The following DTWD1 variants were observed in gnomAD, a reference collection of about 807,000 sequenced individuals.
DTWD1 encodes the protein tRNA-uridine aminocarboxypropyltransferase 1.
In DTWD1, 27 loss-of-function variants were observed where a neutral mutation model predicts 30.2. The observed-to-expected ratio is 0.90, with a 90% confidence interval of 0.66 to 1.23. The LOEUF (loss-of-function observed/expected upper bound fraction) is 1.23, where lower values mean the gene tolerates loss of function less well. Among genes scored for constraint, DTWD1 ranks in the 50% most tolerant of loss-of-function variants. The pLI is 0.00. For missense variants in DTWD1, 342 were observed against 348.8 expected (o/e 0.98, Z 0.15); for synonymous variants, 99 against 113.1 (o/e 0.88, Z 0.79).
At chr15:49,627,583 C>T (rs957606116) in intron 2 of DTWD1, among the ~76,000 whole-genome samples, 33 of 152,280 alleles carry the variant, frequency 2.2e-4, no homozygotes, top group African/African-American at 7.7e-4. Context: ...ATAGTATAGC[C>T]TACTATACAC....
intron 4 of DTWD1, 84 bp from the exon 5 acceptor site, chr15:49,643,244 CATT>C (rs1285916282): frequency 7.4e-6 from 10 of 1,343,632 alleles, no homozygotes; most frequent in Non-Finnish European, 9.7e-6. Flanking sequence ...TAAGAGAAAT[CATT>C]ATTATTGTAC....
In DTWD1 at chr15:49,634,678, A is replaced by C; in HGVS notation, c.551A>C (p.Gln184Pro). ...PSFKRKRTEEQEFCDLNDSKC... is the reference protein window; with the variant it reads ...PSFKRKRTEEPEFCDLNDSKC... ...TTTAAACGCAAAAGAACTGAAGAAC[A>C]AGAGTTCTGTGATTTGAATGACAGC... Residue 184 changes from glutamine to proline, a missense_variant, in exon 4 of 5, where the codon CAA becomes CCA. Physicochemically the swap from Gln to Pro is moderately conservative, Grantham distance 76. Transcript: ENST00000403028. 6.2e-7 allele frequency: 1 copy of C among 1,613,810 alleles called. No individual in the cohort carries two copies.
Position 49,634,776 on chromosome 15 carries a change from A to T in DTWD1, c.649A>T (p.Thr217Ser). The part of the protein sequence containing the change: ...STWNQTNKIF[T>S]DERLQGLLQV... Reference sequence around the variant, plus strand: ...CTGGAACCAAACAAACAAAATATTCACTGATGAGCGACTTCAAGGTAAAAA... The same window carrying T: ...CTGGAACCAAACAAACAAAATATTCTCTGATGAGCGACTTCAAGGTAAAAA... Residue 217 changes from threonine to serine, a missense_variant, in exon 4 of 5, where the codon ACT (threonine) becomes TCT (serine). Transcript: ENST00000403028. 2.5e-6 allele frequency: 4 copies of T among 1,573,132 alleles called. No homozygotes were observed. The highest frequency in any genetic ancestry group is 3.4e-6 in the Non-Finnish European group (4 of 1,163,214).
At position 49,653,254 on chromosome 15, in the gene DTWD1, G is replaced by C. The variant is rs1598679933; in HGVS notation, c.*9676G>C. On this transcript the variant is annotated 3_prime_UTR_variant, in exon 5 of 5. Transcript: ENST00000403028. ...GCATGAGTCCTTAAAAGTGGAAGAC[G>C]GATACATGAGAGGATGTCAGAATGA... 1 of 152,012 alleles carries C rather than the reference G, an allele frequency of 6.6e-6. No homozygotes were observed. Among genetic ancestry groups the C allele is most frequent in the East Asian group, 1.9e-4 (1 of 5,170 alleles). The allele number at this position is 152,012 out of a possible 1,614,324, so 9.4% of individuals were successfully genotyped here. A position where few individuals can be genotyped will look rare whatever the true frequency, so the allele number is the denominator to read the frequency against.
chr15:49,643,740 A>G lies in DTWD1; in HGVS notation c.*162A>G. On this transcript the variant is annotated 3_prime_UTR_variant, in exon 5 of 5. Transcript: ENST00000403028. Reference sequence around the variant, plus strand: ...CTTCATATTTCTTGAAGGAAATTGTATCTGGGGGAATTTTTCAGAGATACT... The same window carrying G: ...CTTCATATTTCTTGAAGGAAATTGTGTCTGGGGGAATTTTTCAGAGATACT... The G allele has an allele frequency of 2.7e-6, 2 of 732,654 alleles. No homozygotes were observed. Among genetic ancestry groups the G allele is most frequent in the Admixed American group, 3.9e-5 (1 of 25,622 alleles). The allele number at this position is 732,654 out of a possible 1,614,324, so 45.4% of individuals were successfully genotyped here. A position where few individuals can be genotyped will look rare whatever the true frequency, so the allele number is the denominator to read the frequency against.
In DTWD1 at chr15:49,647,788, C is replaced by G. The variant is rs534139728; in HGVS notation, c.*4210C>G. ...AGAAAATCCAAAGGAAATAGACAAA[C>G]GGAGAATAATGGCAACAAAAAAAAA... On this transcript the variant is annotated 3_prime_UTR_variant, in exon 5 of 5. Coordinates refer to ENST00000403028, the MANE Select transcript of DTWD1 (RefSeq NM_001144955.2). The G allele has an allele frequency of 6.6e-6, 1 of 150,516 alleles. No homozygotes were observed. Among genetic ancestry groups the G allele is most frequent in the South Asian group, 2.1e-4 (1 of 4,768 alleles). The allele number at this position is 150,516 out of a possible 1,614,324, so 9.3% of individuals were successfully genotyped here. A position where few individuals can be genotyped will look rare whatever the true frequency, so the allele number is the denominator to read the frequency against.
In DTWD1 at chr15:49,649,163, C is replaced by T. The variant is rs373284293; in HGVS notation, c.*5585C>T. ...AAGATTTCAAACAGAAGAAATAGGT[C>T]GTATATCGACCAATAATCAGGATAT... On this transcript the variant is annotated 3_prime_UTR_variant, in exon 5 of 5. Coordinates refer to ENST00000403028, the MANE Select transcript of DTWD1 (RefSeq NM_001144955.2). 7.2e-5 allele frequency: 11 copies of T among 152,076 alleles called. No homozygotes were observed. The highest frequency in any genetic ancestry group is 5.9e-4 in the Admixed American group (9 of 15,272). 9.4% of individuals were successfully genotyped at this position (152,076 alleles called of 1,614,324 possible).
chr15:49,637,532 A>G (rs2079017646), intron 4 of DTWD1, among the ~76,000 whole-genome samples: 1 of 152,232 alleles, frequency 6.6e-6, no homozygotes, highest in Non-Finnish European at 1.5e-5. Flanking sequence ...ATAGTTATGT[A>G]TCATGAGTTC....
Position 49,621,811 on chromosome 15 carries a change from T to A in DTWD1, c.-56+689T>A, listed in dbSNP as rs575704078. Among the ~76,000 whole-genome samples, 134 of 152,172 alleles carry A rather than the reference T, an allele frequency of 8.8e-4. 5 individuals are homozygous for A. In the South Asian group the frequency reaches 0.027, roughly 30 times the overall value. On this transcript the variant is annotated intron_variant, in intron 1 of 4. Transcript: ENST00000403028. The stretch of plus-strand genomic sequence containing the variant: ...GCCATTGATCCTATATGAAAAAGGG[T>A]ACTACTACCTTGGATTATGAAAAAT...
At chr15:49,643,017 G>A (rs1016376945) in intron 4 of DTWD1, among the ~76,000 whole-genome samples, 1 of 152,056 alleles carries the variant, frequency 6.6e-6, no homozygotes, top group Admixed American at 6.6e-5. Flanking sequence ...TTTTGAAGAT[G>A]CTGATACATA....
rs747126569 is a variant in DTWD1, at chr15:49,634,643, C to G, written c.516C>G (p.Asp172Glu). ...NNVRGKNDDPDKPSFKRKRTE... is the reference protein window; with the variant it reads ...NNVRGKNDDPEKPSFKRKRTE... ...TTAGAGGCAAAAATGATGACCCTGA[C>G]AAGCCATCTTTTAAACGCAAAAGAA... The change falls in exon 4 of 5, where the codon GAC becomes GAG. Residue 172 changes from aspartate to glutamate, a missense_variant. Transcript: ENST00000403028. 9.3e-6 allele frequency: 15 copies of G among 1,613,696 alleles called. No homozygotes were observed. In the South Asian group the frequency reaches 1.5e-4, roughly 17 times the overall value.
rs542321934 is a variant in DTWD1 at position 49,629,696 on chromosome 15, T to G, written c.265-2463T>G. 8 of 152,314 alleles carry G rather than the reference T, an allele frequency of 5.3e-5. No homozygotes were observed. The South Asian group carries it at 8.3e-4, about 16-fold the overall frequency. The allele number at this position is 152,314 out of a possible 1,614,324, so 9.4% of individuals were successfully genotyped here. ...TAGTGTTCAGCCAGAAGTAGACTGA[T>G]GTAAAATCATTTGTGAACTGCCTAC... On this transcript the variant is annotated intron_variant, in intron 2 of 4. Transcript: ENST00000403028.
chr15:49,625,509 ATAAACT>A, intron 2 of DTWD1, 78 bp downstream of exon 2: 4 of 1,246,174 alleles, frequency 3.2e-6, no homozygotes, highest in Non-Finnish European at 4.4e-6. Context: ...ACTCTAATTG[ATAAACT>A]TAATAAATAA....
Position 49,643,787 on chromosome 15 carries a change from A to G in DTWD1, c.*209A>G, listed in dbSNP as rs932345430. 2 of 449,190 alleles carry G rather than the reference A, an allele frequency of 4.5e-6. No homozygotes were observed. Among genetic ancestry groups the G allele is most frequent in the African/African-American group, 2.0e-5 (1 of 48,962 alleles). The allele number at this position is 449,190 out of a possible 1,614,324, so 27.8% of individuals were successfully genotyped here. A position where few individuals can be genotyped will look rare whatever the true frequency, so the allele number is the denominator to read the frequency against. ...TACTGTTGATTGAAAAACTTACTTC[A>G]GAAGTTATTTGCTCAGTGAAACCTC... On this transcript the variant is annotated 3_prime_UTR_variant, in exon 5 of 5. Transcript: ENST00000403028.
In DTWD1 at chr15:49,648,158, CA is replaced by C. The variant is rs1285164881; in HGVS notation, c.*4586del. 1 of 152,096 alleles carries C rather than the reference CA, an allele frequency of 6.6e-6. No individual in the cohort carries two copies. The highest frequency in any genetic ancestry group is 1.5e-5 in the Non-Finnish European group (1 of 68,008). 9.4% of individuals were successfully genotyped at this position (152,096 alleles called of 1,614,324 possible). ...TTTGTATACCAACTACTTAAGTTTA[CA>C]AAAAATAATGAGCATTAGGTAGATG... On this transcript the variant is annotated 3_prime_UTR_variant, in exon 5 of 5. Transcript: ENST00000403028.
At chr15:49,632,942 AG>A (rs1431511286) in intron 3 of DTWD1, among the ~76,000 whole-genome samples, 1 of 151,730 alleles carries the variant, frequency 6.6e-6, no homozygotes. Flanking sequence ...GGTCTCTTGG[AG>A]GCCATTTGTT....
At chr15:49,629,483 AT>A (rs1372705901) in intron 2 of DTWD1, 1 of 152,212 alleles carries the variant, frequency 6.6e-6, no homozygotes, top group Non-Finnish European at 1.5e-5. Flanking sequence ...AGCTTTACTC[AT>A]CAGCCATATA....
At chr15:49,635,247 C>G (rs1423415467) in intron 4 of DTWD1, among the ~76,000 whole-genome samples, 2 of 152,086 alleles carry the variant, frequency 1.3e-5, no homozygotes, top group African/African-American at 4.8e-5. Context: ...GTTGGCCAGG[C>G]TGGTCTCAAA....
intron 3 of DTWD1, among the ~76,000 whole-genome samples, chr15:49,633,316 T>C (rs1380787920): frequency 1.3e-5 from 2 of 152,046 alleles, no homozygotes; most frequent in African/African-American, 2.4e-5. Flanking sequence ...TAAAAACTTT[T>C]ACAACTTTGA....
Sources: allele counts gnomAD v4.1 joint callset (sites outside exome capture counted in the v4.1 genomes callset), GRCh38; gene constraint gnomAD v4.1.1; transcripts MANE v1.5; gene names NCBI Gene and HGNC (gene_info 2026-07-23, HGNC 2026-07-21).